RRP12: variants seen among roughly 807,000 people sequenced by gnomAD.
The protein encoded by RRP12 is RRP12-like protein.
A neutral mutation model predicts 157.3 loss-of-function variants in RRP12; 78 were observed. The ratio of observed to expected loss-of-function variants is 0.50; its 90% confidence interval spans 0.41 to 0.60. The LOEUF is 0.60. Ranked by LOEUF, RRP12 falls within the 20% of genes least tolerant of loss-of-function variation. The pLI is 0.00. For synonymous variants in RRP12, 726 were observed against 670.9 expected, an observed-to-expected ratio of 1.08 and a Z score of -1.27; for missense variants, 1,521 against 1,679.9, an observed-to-expected ratio of 0.91 and a Z score of 1.65.
At position 97,373,749 on chromosome 10, in the gene RRP12, G is replaced by A. The variant is rs762957121; in HGVS notation, c.1864-12C>T. On this transcript the variant is annotated splice_polypyrimidine_tract_variant and intron_variant, in intron 16 of 33. Coordinates refer to ENST00000370992, the MANE Select transcript of RRP12 (RefSeq NM_015179.4). ...AGGAGTGTCCACATCTGGAGAAGGA[G>A]GGGACAATAAAGGAAGGTGACACGC... The A allele has an allele frequency of 6.2e-6, 10 of 1,612,414 alleles. No homozygotes were observed. The Admixed American group carries it at 1.3e-4, about 22-fold the overall frequency.
In RRP12 at chr10:97,370,548, T is replaced by C. The variant is rs760283152; in HGVS notation, c.2596A>G (p.Thr866Ala). 1.2e-6 allele frequency: 2 copies of C among 1,609,732 alleles called. No homozygotes were observed. Among genetic ancestry groups the C allele is most frequent in the South Asian group, 2.2e-5 (2 of 90,852 alleles). The change falls in exon 23 of 34, where the codon ACC becomes GCC. Residue 866 changes from threonine to alanine, a missense_variant. By Grantham distance (58) the Thr-to-Ala change is moderately conservative. Coordinates refer to ENST00000370992, the MANE Select transcript of RRP12 (RefSeq NM_015179.4). ...TALIPEVILC[T>A]KEVSVGARKN... ...CGTGCGCCCACCGACACCTCCTTGGTGCACAGGATCACCTGGCCAAGACAA... is the reference window on the plus strand; with the variant it reads ...CGTGCGCCCACCGACACCTCCTTGGCGCACAGGATCACCTGGCCAAGACAA...
intron 15 of RRP12, 43 bp from the exon 16 acceptor site, chr10:97,373,937 C>T (rs1422915250): frequency 1.3e-6 from 2 of 1,572,854 alleles, no homozygotes; most frequent in African/African-American, 1.3e-5. Flanking sequence ...CAGCACCCTC[C>T]TGGCCAACAG....
intron 3 of RRP12, among the ~76,000 whole-genome samples, chr10:97,395,782 C>A (rs1436656198): frequency 1.3e-5 from 2 of 149,074 alleles, no homozygotes; most frequent in African/African-American, 4.9e-5. Context: ...ACCCAGGAGG[C>A]AGAGGTTGCA....
intron 1 of RRP12, 82 bp from the exon 2 acceptor site, chr10:97,400,616 C>A: frequency 2.7e-6 from 3 of 1,110,510 alleles, no homozygotes; most frequent in East Asian, 4.8e-5. Flanking sequence ...CAAACCAGCC[C>A]AGGCCAAATC....
At chr10:97,395,134 C>A (rs1020522309) in intron 3 of RRP12, among the ~76,000 whole-genome samples, 1 of 151,834 alleles carries the variant, frequency 6.6e-6, no homozygotes, top group Non-Finnish European at 1.5e-5. Flanking sequence ...CAAAGTGAGA[C>A]CCTGTCTCCA....
intron 13 of RRP12, among the ~76,000 whole-genome samples, chr10:97,380,000 C>A (rs886565707): frequency 2.6e-5 from 4 of 152,198 alleles, no homozygotes; most frequent in African/African-American, 9.7e-5. Flanking sequence ...GTTTCACACA[C>A]AAATGTAGAT....
chr10:97,372,824 A>G, intron 18 of RRP12, 21 bp from the exon 19 acceptor site: 4 of 1,554,432 alleles, frequency 2.6e-6, no homozygotes, highest in Non-Finnish European at 3.5e-6. Flanking sequence ...CGAGGGAATG[A>G]GGAGAAGAGA....
chr10:97,361,681 C>T (rs1843845135), intron 30 of RRP12, among the ~76,000 whole-genome samples: 1 of 152,214 alleles, frequency 6.6e-6, no homozygotes, highest in Admixed American at 6.5e-5. Context: ...CTGACTCCGA[C>T]TGCAATGTAG....
intron 4 of RRP12, 113 bp from the exon 5 acceptor site, chr10:97,390,957 A>C (rs1483505191): frequency 1.4e-6 from 1 of 738,474 alleles, no homozygotes; most frequent in Non-Finnish European, 2.5e-6. Flanking sequence ...ACAGTCACTC[A>C]GAAAGTGAGC....
intron 3 of RRP12, among the ~76,000 whole-genome samples, chr10:97,395,646 C>G (rs1440454304): frequency 6.6e-6 from 1 of 151,436 alleles, no homozygotes; most frequent in African/African-American, 2.4e-5. Flanking sequence ...GTCAGGAGTT[C>G]GAGACAAGTC....
At chr10:97,372,249 T>C in intron 19 of RRP12, 83 bp from the exon 20 acceptor site, 1 of 1,031,020 alleles carries the variant, frequency 9.7e-7, no homozygotes, top group Non-Finnish European at 1.4e-6. Context: ...CTACTGGGTA[T>C]GGGGAGGTGG....
chr10:97,385,250 T>C lies in RRP12; in HGVS notation c.1124A>G (p.Tyr375Cys), dbSNP rs1362769661. The C allele has an allele frequency of 1.9e-6, 3 of 1,613,524 alleles. No individual in the cohort carries two copies. The Admixed American group carries it at 5.0e-5, about 27-fold the overall frequency. Reference protein sequence around the residue: ...ELNAQIITALYDYVPSENDLQ... With the variant: ...ELNAQIITALCDYVPSENDLQ... ...ATCATTCTCACTGGGAACATAGTCG[T>C]ACAGGGCCTAAAAGTGGGAATAAGC... The change falls in exon 10 of 34, where the codon TAC (tyrosine) becomes TGC (cysteine). Residue 375 changes from tyrosine (Y) to cysteine (C), a missense_variant. Transcript: ENST00000370992.
chr10:97,386,877 C>G (rs111743498), intron 8 of RRP12, among the ~76,000 whole-genome samples: 1 of 151,946 alleles, frequency 6.6e-6, no homozygotes, highest in Non-Finnish European at 1.5e-5. Context: ...GTAGTCCCAG[C>G]TACTCGGGAG....
rs1212817168 is a variant in RRP12 at position 97,370,811 on chromosome 10, C to CT, written c.2503-16dup. The CT allele has an allele frequency of 6.2e-7, 1 of 1,612,968 alleles. No individual in the cohort carries two copies. Among genetic ancestry groups the CT allele is most frequent in the Non-Finnish European group, 8.5e-7 (1 of 1,179,388 alleles). On this transcript the variant is annotated splice_polypyrimidine_tract_variant and intron_variant, in intron 21 of 33. Coordinates refer to ENST00000370992, the MANE Select transcript of RRP12 (RefSeq NM_015179.4). ...TTCAAACGGGGCTGTGGGCAAAGGG[C>CT]TACCAGTCAGGACCCCTCAATGCTA... is the stretch of plus-strand genomic sequence containing the variant.
chr10:97,388,135 G>A, intron 8 of RRP12, 117 bp downstream of exon 8: 1 of 1,382,488 alleles, frequency 7.2e-7, no homozygotes, highest in Non-Finnish European at 1.0e-6. Context: ...GTTGGTTTTA[G>A]CTTAAGAACA....
At chr10:97,377,436 G>A (rs1018925184) in intron 15 of RRP12, among the ~76,000 whole-genome samples, 6 of 152,178 alleles carry the variant, frequency 3.9e-5, no homozygotes, top group Non-Finnish European at 7.3e-5. Flanking sequence ...GGCTAAGGCA[G>A]GAGAATCGCT....
chr10:97,397,912 C>T (rs1373806237), intron 2 of RRP12, among the ~76,000 whole-genome samples: 7 of 141,750 alleles, frequency 4.9e-5, no homozygotes, highest in Middle Eastern at 3.8e-3. Flanking sequence ...GAGACTCTGT[C>T]TGAAAAAAAA....
At chr10:97,381,339 C>T in intron 12 of RRP12, 47 bp downstream of exon 12, 1 of 1,402,332 alleles carries the variant, frequency 7.1e-7, no homozygotes, top group Non-Finnish European at 9.9e-7. Context: ...ATAGAACTTT[C>T]CTCAAGGTAC....
chr10:97,364,696 G>T (rs1218998175), intron 29 of RRP12, among the ~76,000 whole-genome samples: 1 of 152,234 alleles, frequency 6.6e-6, no homozygotes, highest in Non-Finnish European at 1.5e-5. Flanking sequence ...CAGCCTGAGT[G>T]ACAGAGCGAG....
Sources: allele counts gnomAD v4.1 joint callset (sites outside exome capture counted in the v4.1 genomes callset), GRCh38; gene constraint gnomAD v4.1.1; transcripts MANE v1.5; gene names NCBI Gene and HGNC (gene_info 2026-07-23, HGNC 2026-07-21).